The following CADPS variants were observed in gnomAD, a reference collection of about 807,000 sequenced individuals.
CADPS encodes calcium dependent secretion activator, also known as calcium-dependent secretion activator 1.
CADPS carries 57 observed loss-of-function variants against 167.3 expected under a neutral mutation model. The observed-to-expected ratio is 0.34, with a 90% CI of 0.28 to 0.42. CADPS has a LOEUF of 0.42. Ranked by LOEUF, CADPS falls within the 20% of genes least tolerant of loss-of-function variation. The pLI is 1.00. For synonymous variants in CADPS, 676 were observed against 635.3 expected (o/e 1.06, Z -0.96); for missense variants, 1,414 against 1,738.1 (o/e 0.81, Z 3.32).
chr3:62,774,314 G>A (rs1006229976), intron 1 of CADPS, among the ~76,000 whole-genome samples: 1 of 151,938 alleles, frequency 6.6e-6, no homozygotes, highest in African/African-American at 2.4e-5. Context: ...TTTCCAACTT[G>A]GAGGCACTCA....
At chr3:62,596,399 T>C (rs562451605) in intron 6 of CADPS, among the ~76,000 whole-genome samples, 117 of 152,138 alleles carry the variant, frequency 7.7e-4, no homozygotes, top group African/African-American at 2.8e-3. Context: ...GGTTTCACCA[T>C]GTTAGCCAGG....
Position 62,413,263 on chromosome 3 carries a change from A to C in CADPS, c.3778-10078T>G, listed in dbSNP as rs553349155. On this transcript the variant is annotated intron_variant, in intron 28 of 29. Coordinates refer to ENST00000383710, the MANE Select transcript of CADPS (RefSeq NM_003716.4). ...TACCATTATACTTACTCAAAAGTGG[A>C]ACTTTTGAGTATAGATGCAAAAACA... Among the ~76,000 whole-genome samples the C allele has an allele frequency of 3.3e-5, 5 of 152,260 alleles. No homozygotes were observed. The South Asian group carries it at 1.0e-3, about 32-fold the overall frequency.
intron 28 of CADPS, chr3:62,404,413 T>G (rs1294824852): frequency 6.6e-6 from 1 of 152,602 alleles, no homozygotes; most frequent in Non-Finnish European, 1.5e-5. Context: ...CAAAATCAGT[T>G]TATGCCTAAC....
intron 2 of CADPS, among the ~76,000 whole-genome samples, chr3:62,765,428 G>A (rs920259426): frequency 1.3e-5 from 2 of 152,104 alleles, no homozygotes; most frequent in East Asian, 1.9e-4. Context: ...AGTTCATGAA[G>A]CCACCATCCT....
intron 28 of CADPS, among the ~76,000 whole-genome samples, chr3:62,417,274 C>T (rs6445267): frequency 0.87 from 80,352 of 92,028 alleles, 34,636 homozygotes; most frequent in African/African-American, 0.93. Context: ...TTTTCTTTTA[C>T]TCTTTTTTTT....
intron 3 of CADPS, among the ~76,000 whole-genome samples, chr3:62,731,778 T>C (rs13076038): frequency 0.088 from 10,387 of 117,810 alleles, 519 homozygotes; most frequent in Non-Finnish European, 0.12. Context: ...TGGAGCTGAC[T>C]TCCTGGTGAA....
chr3:62,789,318 C>T (rs2092733247), intron 1 of CADPS, among the ~76,000 whole-genome samples: 1 of 152,134 alleles, frequency 6.6e-6, no homozygotes, highest in African/African-American at 2.4e-5. Context: ...TATCCAAAGT[C>T]ACACAGCCAG....
At position 62,765,893 on chromosome 3, in the gene CADPS, T is replaced by C; in HGVS notation, c.533A>G (p.Asn178Ser). Reference sequence around the variant, plus strand: ...CACCTCATAGTAACTCTGCACAGCGTTCATGAAGGCTTCGTCAGCCATGAT... The same window carrying C: ...CACCTCATAGTAACTCTGCACAGCGCTCATGAAGGCTTCGTCAGCCATGAT... ...TQIMADEAFM[N>S]AVQSYYEVFL... is the part of the protein sequence containing the mutation. The change falls in exon 2 of 30, where the codon AAC (asparagine) becomes AGC (serine). Residue 178 changes from asparagine to serine, a missense_variant. Coordinates refer to ENST00000383710, the MANE Select transcript of CADPS (RefSeq NM_003716.4). 1 of 1,612,170 alleles carries C rather than the reference T, an allele frequency of 6.2e-7. No homozygotes were observed. The highest frequency in any genetic ancestry group is 8.5e-7 in the Non-Finnish European group (1 of 1,178,408).
intron 3 of CADPS, among the ~76,000 whole-genome samples, chr3:62,746,925 AG>A (rs2081587738): frequency 6.6e-6 from 1 of 152,170 alleles, no homozygotes; most frequent in Non-Finnish European, 1.5e-5. Flanking sequence ...CATTCTTTTA[AG>A]CTGCTAAATT....
intron 28 of CADPS, among the ~76,000 whole-genome samples, chr3:62,405,146 G>GC (rs1559947191): frequency 6.7e-6 from 1 of 149,970 alleles, no homozygotes; most frequent in African/African-American, 2.5e-5. Context: ...TGGGGGGGGG[G>GC]GGGGCTCAAC....
At chr3:62,596,931 A>T (rs1007803985) in intron 6 of CADPS, among the ~76,000 whole-genome samples, 1 of 152,242 alleles carries the variant, frequency 6.6e-6, no homozygotes, top group South Asian at 2.1e-4. Context: ...GCTGGACCAG[A>T]ACCCAAAATC....
intron 3 of CADPS, among the ~76,000 whole-genome samples, chr3:62,672,359 A>G (rs566238063): frequency 2.0e-5 from 3 of 152,266 alleles, no homozygotes; most frequent in Admixed American, 6.5e-5. Flanking sequence ...CAGGCTGCTC[A>G]TCTTTTTGGA....
At chr3:62,720,341 G>GTTTGTT (rs1554112046) in intron 3 of CADPS, among the ~76,000 whole-genome samples, 1 of 146,418 alleles carries the variant, frequency 6.8e-6, no homozygotes, top group Non-Finnish European at 1.5e-5. Flanking sequence ...TTGTTTGTTT[G>GTTTGTT]TTTTTTTTTG....
At chr3:62,577,319 T>C (rs1012876801) in intron 8 of CADPS, among the ~76,000 whole-genome samples, 6 of 152,228 alleles carry the variant, frequency 3.9e-5, no homozygotes, top group Admixed American at 6.5e-5. Context: ...GTATACAATG[T>C]ATTGTTATTA....
chr3:62,766,516 G>C (rs533444069), intron 1 of CADPS, among the ~76,000 whole-genome samples: 3 of 152,246 alleles, frequency 2.0e-5, no homozygotes, highest in South Asian at 4.1e-4. Context: ...CCCTCTGGTG[G>C]TCTGAAATAC....
intron 6 of CADPS, among the ~76,000 whole-genome samples, chr3:62,595,134 A>G (rs886516499): frequency 1.5e-4 from 23 of 152,146 alleles, no homozygotes; most frequent in Non-Finnish European, 2.5e-4. Context: ...AGAGTTGACA[A>G]AAGAAGACCA....
At chr3:62,511,031 C>G (rs59795871) in intron 17 of CADPS, among the ~76,000 whole-genome samples, 1 of 152,116 alleles carries the variant, frequency 6.6e-6, no homozygotes, top group African/African-American at 2.4e-5. Flanking sequence ...TTCCTGCTAG[C>G]GTGATTTTTC....
At chr3:62,561,805 T>C (rs2079211609) in intron 9 of CADPS, among the ~76,000 whole-genome samples, 1 of 152,208 alleles carries the variant, frequency 6.6e-6, no homozygotes. Flanking sequence ...AAATCTTCTT[T>C]CCTTGCTTTT....
At chr3:62,600,347 T>C (rs1201036807) in intron 6 of CADPS, among the ~76,000 whole-genome samples, 1 of 152,096 alleles carries the variant, frequency 6.6e-6, no homozygotes, top group Non-Finnish European at 1.5e-5. Context: ...CCAAGCTATA[T>C]AATAAGCTGC....
Sources: allele counts gnomAD v4.1 joint callset (sites outside exome capture counted in the v4.1 genomes callset), GRCh38; gene constraint gnomAD v4.1.1; transcripts MANE v1.5; gene names NCBI Gene and HGNC (gene_info 2026-07-23, HGNC 2026-07-21).